Variants in EPAS1 observed in about 807,000 individuals in gnomAD.
EPAS1 encodes the protein endothelial PAS domain-containing protein 1.
A neutral mutation model predicts 87.9 loss-of-function variants in EPAS1; 23 were observed. The ratio of observed to expected loss-of-function variants is 0.26; its 90% confidence interval spans 0.19 to 0.37. The LOEUF (loss-of-function observed/expected upper bound fraction) is 0.37, where lower values mean the gene tolerates loss of function less well. Ranked by LOEUF, EPAS1 falls within the 10% of genes least tolerant of loss-of-function variation. EPAS1 has a pLI of 1.00. For synonymous variants in EPAS1, 508 were observed against 444.3 expected (o/e 1.14, Z -1.80); for missense variants, 1,138 against 1,120.7 (o/e 1.02, Z -0.22).
Position 46,376,612 on chromosome 2 carries a change from A to C in EPAS1, c.1108A>C (p.Met370Leu). ...CCTGTTCAAGCCCCACCTGATGGCC[A>C]TGAACAGCATCTTTGATAGCAGTGG... ...ESLFKPHLMAMNSIFDSSGKG... is the reference protein window; with the variant it reads ...ESLFKPHLMALNSIFDSSGKG... The change falls in exon 9 of 16, where the codon ATG becomes CTG. Residue 370 changes from methionine to leucine, a missense_variant. Physicochemically the swap from Met to Leu is conservative, Grantham distance 15. Coordinates refer to ENST00000263734, the MANE Select transcript of EPAS1 (RefSeq NM_001430.5). 1 of 1,614,180 alleles carries C rather than the reference A, an allele frequency of 6.2e-7. No homozygotes were observed.
At chr2:46,374,936 GAGA>G (rs1171854939) in intron 7 of EPAS1, among the ~76,000 whole-genome samples, 2 of 152,106 alleles carry the variant, frequency 1.3e-5, no homozygotes, top group African/African-American at 2.4e-5. Context: ...GGGCGGTTGG[GAGA>G]AGGAGTATAA....
intron 1 of EPAS1, among the ~76,000 whole-genome samples, chr2:46,312,984 C>T (rs746773127): frequency 6.6e-6 from 1 of 152,216 alleles, no homozygotes; most frequent in Non-Finnish European, 1.5e-5. Flanking sequence ...CATGTCTGCT[C>T]AGGTCCTACT....
Position 46,384,700 on chromosome 2 carries a change from TC to T in EPAS1, c.*43del. 1 of 1,607,250 alleles carries T rather than the reference TC, an allele frequency of 6.2e-7. No individual in the cohort carries two copies. The highest frequency in any genetic ancestry group is 8.5e-7 in the Non-Finnish European group (1 of 1,178,166). On this transcript the variant is annotated 3_prime_UTR_variant, in exon 16 of 16. Coordinates refer to ENST00000263734, the MANE Select transcript of EPAS1 (RefSeq NM_001430.5). The stretch of plus-strand genomic sequence containing the variant: ...CTGGGCAGCACCTCTGCCGACGCCG[TC>T]CCACCAGCTTCACTCTCTCCGTCTG...
intron 1 of EPAS1, among the ~76,000 whole-genome samples, chr2:46,299,158 T>C (rs528807926): frequency 6.6e-6 from 1 of 152,348 alleles, no homozygotes; most frequent in African/African-American, 2.4e-5. Flanking sequence ...CAACTTCCAC[T>C]ACGGGACTGG....
chr2:46,380,747 A>T lies in EPAS1; in HGVS notation c.2045+30A>T, dbSNP rs1684870946. On this transcript the variant is annotated intron_variant, in intron 12 of 15. Transcript: ENST00000263734. The surrounding 1 kb of genome is among the most constrained non-coding windows in gnomAD (Gnocchi z 4.4). The stretch of plus-strand genomic sequence containing the variant: ...GTGGCAGATACTCAGCTGTACCAGC[A>T]GGGCCGAACCGAGAGGCACCCACTA... 1 of 1,603,668 alleles carries T rather than the reference A, an allele frequency of 6.2e-7. No individual in the cohort carries two copies. The highest frequency in any genetic ancestry group is 2.2e-5 in the East Asian group (1 of 44,882).
intron 6 of EPAS1, among the ~76,000 whole-genome samples, chr2:46,365,150 C>A (rs1684475495): frequency 6.6e-6 from 1 of 152,182 alleles, no homozygotes; most frequent in Non-Finnish European, 1.5e-5. Context: ...ATCATATAAT[C>A]CCACTGCGAT....
chr2:46,313,559 C>T (rs893036012), intron 1 of EPAS1, among the ~76,000 whole-genome samples: 1 of 152,106 alleles, frequency 6.6e-6, no homozygotes, highest in Non-Finnish European at 1.5e-5. Flanking sequence ...TCAAGCGATT[C>T]TCCCACCTCG....
In EPAS1 at chr2:46,371,003, T is replaced by TA. The variant is rs1346913502; in HGVS notation, c.886+1071dup. On this transcript the variant is annotated intron_variant, in intron 7 of 15. Transcript: ENST00000263734. The surrounding 1 kb of genome is among the most constrained non-coding windows in gnomAD (Gnocchi z 4.3). ...AAGGGGCTCATATCTTTAACCTCAG[T>TA]ATCTAGCATAGCGTCTGGTACAGAA... is the stretch of plus-strand genomic sequence containing the variant. 1.3e-5 allele frequency among the ~76,000 whole-genome samples: 2 copies of TA among 152,192 alleles called. No individual in the cohort carries two copies. Among genetic ancestry groups the TA allele is most frequent in the African/African-American group, 4.8e-5 (2 of 41,446 alleles).
At chr2:46,326,308 A>G (rs1192976727) in intron 1 of EPAS1, among the ~76,000 whole-genome samples, 1 of 152,208 alleles carries the variant, frequency 6.6e-6, no homozygotes, top group Non-Finnish European at 1.5e-5. Flanking sequence ...TCGACTATCA[A>G]GATTTCCTGG....
At chr2:46,321,527 C>A (rs1683454080) in intron 1 of EPAS1, among the ~76,000 whole-genome samples, 1 of 152,108 alleles carries the variant, frequency 6.6e-6, no homozygotes, top group African/African-American at 2.4e-5. Context: ...TCCCTGCTAA[C>A]ACTTGTTATT....
At chr2:46,311,043 AT>A (rs1003909679) in intron 1 of EPAS1, among the ~76,000 whole-genome samples, 2 of 151,816 alleles carry the variant, frequency 1.3e-5, no homozygotes, top group East Asian at 3.9e-4. Flanking sequence ...TGCCCAGCTA[AT>A]TTTTTTTGTA....
At chr2:46,367,807 A>G (rs1684534541) in intron 6 of EPAS1, among the ~76,000 whole-genome samples, 1 of 152,156 alleles carries the variant, frequency 6.6e-6, no homozygotes, top group Admixed American at 6.5e-5. Context: ...ATTCTCACCC[A>G]AGCAGAGAAC....
At chr2:46,302,415 T>C (rs1572610806) in intron 1 of EPAS1, among the ~76,000 whole-genome samples, 1 of 152,174 alleles carries the variant, frequency 6.6e-6, no homozygotes, top group East Asian at 1.9e-4. Flanking sequence ...CTTTTTATTT[T>C]AGCCTGATGA....
intron 1 of EPAS1, among the ~76,000 whole-genome samples, chr2:46,321,086 A>G (rs992305346): frequency 2.6e-5 from 4 of 152,206 alleles, no homozygotes; most frequent in African/African-American, 7.2e-5. Context: ...TACTTTCTCT[A>G]TGAATATGAC....
chr2:46,345,400 T>G (rs1427199039), intron 1 of EPAS1, among the ~76,000 whole-genome samples: 2 of 152,142 alleles, frequency 1.3e-5, no homozygotes, highest in African/African-American at 2.4e-5. Context: ...CCCTTTAACC[T>G]CACTACCATG....
In EPAS1 at chr2:46,380,331, G is replaced by A. The variant is rs759437550; in HGVS notation, c.1659G>A (p.Ala553=). 44 of 1,613,950 alleles carry A rather than the reference G, an allele frequency of 2.7e-5. No individual in the cohort carries two copies. Among genetic ancestry groups the A allele is most frequent in the South Asian group, 2.0e-4 (18 of 91,088 alleles). The change falls in exon 12 of 16, where the codon GCG becomes GCA. Residue 553 remains alanine (A), a synonymous_variant. Coordinates refer to ENST00000263734, the MANE Select transcript of EPAS1 (RefSeq NM_001430.5). The surrounding 1 kb of genome is among the most constrained non-coding windows in gnomAD (Gnocchi z 4.4). Reference sequence around the variant, plus strand: ...TCTGCCCCGAGGAGCGGCTCTTGGCGGAGAACCCACAGTCCACCCCCCAGC... The same window carrying A: ...TCTGCCCCGAGGAGCGGCTCTTGGCAGAGAACCCACAGTCCACCCCCCAGC... ...SPICPEERLL[A]ENPQSTPQHC... is the part of the protein sequence containing the mutation.
At chr2:46,311,890 G>A (rs983261158) in intron 1 of EPAS1, among the ~76,000 whole-genome samples, 1 of 152,162 alleles carries the variant, frequency 6.6e-6, no homozygotes, top group African/African-American at 2.4e-5. Flanking sequence ...GAGTCTGGGT[G>A]ACTGTGAGCA....
At chr2:46,356,639 A>T in intron 3 of EPAS1, 85 bp from the exon 4 acceptor site, 1 of 1,107,632 alleles carries the variant, frequency 9.0e-7, no homozygotes. Flanking sequence ...CCCTGCCTCC[A>T]AATCTGGAAG....
At chr2:46,345,194 G>T (rs1683999295) in intron 1 of EPAS1, among the ~76,000 whole-genome samples, 3 of 152,152 alleles carry the variant, frequency 2.0e-5, no homozygotes, top group African/African-American at 7.2e-5. Flanking sequence ...TGCCCGGGCT[G>T]GTCTTGAACT....
Sources: gnomAD v4.1 joint callset for allele counts (sites outside exome capture counted in the v4.1 genomes callset) on GRCh38, gnomAD v4.1.1 for gene constraint, Gnocchi (gnomAD v3.1) non-coding constraint, MANE v1.5 for transcripts, NCBI Gene and HGNC (gene_info 2026-07-23, HGNC 2026-07-21) for gene names.